Variants in ARB2A observed in about 807,000 individuals in gnomAD.
The protein encoded by ARB2A is cotranscriptional regulator ARB2A.
At chr5:93,944,207 G>A in the ARB2A span, among the ~76,000 whole-genome samples, 6 of 151,986 alleles carry the variant, frequency 3.9e-5, no homozygotes, top group Admixed American at 2.6e-4. Context: ...ACCTGTCACC[G>A]GAACGGCCAG....
the ARB2A span, among the ~76,000 whole-genome samples, chr5:93,911,608 G>A: frequency 1.3e-5 from 2 of 149,558 alleles, no homozygotes; most frequent in Admixed American, 1.3e-4. Context: ...TACAGTTCAT[G>A]TTGTTTGTGG....
the ARB2A span, among the ~76,000 whole-genome samples, chr5:93,636,940 C>T: frequency 1.1e-3 from 167 of 152,272 alleles, 1 homozygote; most frequent in Non-Finnish European, 1.8e-3. Context: ...TTATCATTTT[C>T]CCCAATGGTA....
the ARB2A span, among the ~76,000 whole-genome samples, chr5:93,724,151 A>G: frequency 6.6e-6 from 1 of 152,010 alleles, no homozygotes; most frequent in African/African-American, 2.4e-5. Flanking sequence ...AGAAGAGTAA[A>G]AATGATCGGT....
the ARB2A span, among the ~76,000 whole-genome samples, chr5:94,069,845 T>A: frequency 6.6e-6 from 1 of 152,182 alleles, no homozygotes; most frequent in African/African-American, 2.4e-5. Flanking sequence ...GTTAAGAATG[T>A]AAATCTGTAT....
At chr5:94,009,419 T>A in the ARB2A span, among the ~76,000 whole-genome samples, 1 of 152,018 alleles carries the variant, frequency 6.6e-6, no homozygotes, top group East Asian at 1.9e-4. Flanking sequence ...GAAGTCTGCA[T>A]AAACAAACAC....
the ARB2A span, among the ~76,000 whole-genome samples, chr5:93,728,885 G>A: frequency 6.6e-6 from 1 of 152,076 alleles, no homozygotes; most frequent in Admixed American, 6.6e-5. Context: ...TTGAAAGACT[G>A]ATATATTAAT....
At chr5:93,720,216 T>C in the ARB2A span, among the ~76,000 whole-genome samples, 3 of 152,214 alleles carry the variant, frequency 2.0e-5, no homozygotes, top group Non-Finnish European at 4.4e-5. Context: ...AATGTAAAAA[T>C]TCCCTCTATC....
At chr5:93,959,785 T>C in the ARB2A span, among the ~76,000 whole-genome samples, 361 of 152,318 alleles carry the variant, frequency 2.4e-3, no homozygotes, top group African/African-American at 8.3e-3. Context: ...TTGTTAACTA[T>C]ATGATGTATG....
the ARB2A span, among the ~76,000 whole-genome samples, chr5:93,820,950 GT>G: frequency 6.8e-6 from 1 of 148,134 alleles, no homozygotes; most frequent in African/African-American, 2.7e-5. Context: ...AATGTATACT[GT>G]TTTTTAATGA....
chr5:94,022,897 G>C, the ARB2A span, among the ~76,000 whole-genome samples: 2 of 152,326 alleles, frequency 1.3e-5, no homozygotes, highest in Admixed American at 1.3e-4. Flanking sequence ...CATGCCCCAT[G>C]AGTTAGGATT....
the ARB2A span, among the ~76,000 whole-genome samples, chr5:93,711,305 G>A: frequency 1.4e-5 from 2 of 147,232 alleles, no homozygotes; most frequent in Admixed American, 1.4e-4. Context: ...AAAAATTTCT[G>A]ATGGGGTAAA....
At chr5:93,797,025 C>G in the ARB2A span, among the ~76,000 whole-genome samples, 2 of 152,092 alleles carry the variant, frequency 1.3e-5, no homozygotes, top group Admixed American at 1.3e-4. Context: ...AACAAAAGAG[C>G]ACTTCTGAGT....
At chr5:93,890,698 C>T in the ARB2A span, among the ~76,000 whole-genome samples, 1 of 151,936 alleles carries the variant, frequency 6.6e-6, no homozygotes, top group Admixed American at 6.6e-5. Context: ...TCTAAGCCAA[C>T]CTTAGAATTT....
the ARB2A span, among the ~76,000 whole-genome samples, chr5:93,942,720 T>C: frequency 6.6e-6 from 1 of 151,500 alleles, no homozygotes; most frequent in Non-Finnish European, 1.5e-5. Flanking sequence ...TAAAACCTAC[T>C]CAAAGAAAAA....
chr5:93,741,682 G>A, the ARB2A span: 1 of 1,231,412 alleles, frequency 8.1e-7, no homozygotes, highest in Non-Finnish European at 1.1e-6. Context: ...TACAAGCCAA[G>A]GGTGCCTGTG....
At chr5:93,926,190 C>T in the ARB2A span, among the ~76,000 whole-genome samples, 3 of 151,500 alleles carry the variant, frequency 2.0e-5, no homozygotes, top group Admixed American at 6.6e-5. Flanking sequence ...AGTACAATGG[C>T]GCGATCTCGG....
the ARB2A span, among the ~76,000 whole-genome samples, chr5:93,986,474 G>T: frequency 6.6e-6 from 1 of 152,172 alleles, no homozygotes; most frequent in Non-Finnish European, 1.5e-5. Flanking sequence ...CCACGTCTGG[G>T]AAGTGAGGAG....
the ARB2A span, chr5:93,621,252 G>A: frequency 1.3e-6 from 1 of 763,738 alleles, no homozygotes; most frequent in Non-Finnish European, 1.6e-6. Flanking sequence ...CGCCCCTCCC[G>A]CCTGCGCCCC....
At chr5:94,021,905 C>T in the ARB2A span, among the ~76,000 whole-genome samples, 1 of 152,126 alleles carries the variant, frequency 6.6e-6, no homozygotes, top group Non-Finnish European at 1.5e-5. Context: ...CCCATCTCTA[C>T]TAAAAATACA....
Sources: allele counts gnomAD v4.1 joint callset (sites outside exome capture counted in the v4.1 genomes callset), GRCh38; gene constraint gnomAD v4.1.1; transcripts MANE v1.5; gene names NCBI Gene and HGNC (gene_info 2026-07-23, HGNC 2026-07-21).